The following AMOTL1 variants were observed in gnomAD, a reference collection of about 807,000 sequenced individuals.
AMOTL1 encodes the protein angiomotin-like protein 1.
Under a neutral mutation model 102.9 loss-of-function variants are expected in AMOTL1, and 45 were observed. The observed-to-expected ratio is 0.44, with a 90% CI of 0.34 to 0.56. The LOEUF (loss-of-function observed/expected upper bound fraction) is 0.56. Ranked by LOEUF, AMOTL1 falls within the 20% of genes least tolerant of loss-of-function variation. AMOTL1 has a pLI of 0.01. For missense variants in AMOTL1, 1,114 were observed against 1,225.6 expected, an observed-to-expected ratio of 0.91 and a Z score of 1.36; for synonymous variants, 481 against 484.7, an observed-to-expected ratio of 0.99 and a Z score of 0.10.
intron 3 of AMOTL1, among the ~76,000 whole-genome samples, chr11:94,759,571 C>A (rs368980112): frequency 0.012 from 1,542 of 129,136 alleles, no homozygotes; most frequent in Middle Eastern, 0.016. Flanking sequence ...CTTTTAGGTG[C>A]AAAAAAAAAA....
At chr11:94,868,501 G>A (rs183681129) in intron 11 of AMOTL1, among the ~76,000 whole-genome samples, 2 of 150,996 alleles carry the variant, frequency 1.3e-5, no homozygotes, top group South Asian at 4.1e-4. Flanking sequence ...CTTGAGGAAG[G>A]GGGTAAGGAG....
rs200136997 is a variant in AMOTL1 at position 94,736,202 on chromosome 11, CAA to C, written c.86-4735_86-4734del. On this transcript the variant is annotated intron_variant, in intron 2 of 4. Transcript: ENST00000299004. ...CTGCCACCTGGGATGAAAAGGAGAG[CAA>C]TCTGGCATGCTCTAGCCCTCTATGT... is the stretch of plus-strand genomic sequence containing the variant. Among the ~76,000 whole-genome samples, 848 of 152,294 alleles carry C rather than the reference CAA, an allele frequency of 5.6e-3. 10 individuals are homozygous for C. Among genetic ancestry groups the C allele is most frequent in the African/African-American group, 0.019 (804 of 41,560 alleles).
intron 3 of AMOTL1, among the ~76,000 whole-genome samples, chr11:94,760,957 A>G (rs1950784836): frequency 6.6e-6 from 1 of 151,736 alleles, no homozygotes; most frequent in African/African-American, 2.4e-5. Flanking sequence ...TATTTTTTGT[A>G]GGGACAGGGT....
chr11:94,842,850 C>G (rs894591740), intron 6 of AMOTL1, among the ~76,000 whole-genome samples: 2 of 152,174 alleles, frequency 1.3e-5, no homozygotes, highest in Admixed American at 1.3e-4. Context: ...TTCCCTGTCC[C>G]TCTCCCAGGG....
intron 1 of AMOTL1, among the ~76,000 whole-genome samples, chr11:94,784,275 T>G (rs540378487): frequency 6.6e-6 from 1 of 152,340 alleles, no homozygotes; most frequent in African/African-American, 2.4e-5. Flanking sequence ...CCCCCCATTC[T>G]TAGCAGAGGA....
chr11:94,708,796 T>A (rs559617317), intron 1 of AMOTL1, among the ~76,000 whole-genome samples: 1 of 152,222 alleles, frequency 6.6e-6, no homozygotes, highest in Non-Finnish European at 1.5e-5. Context: ...AAACAGCACA[T>A]CTATAAACGT....
chr11:94,763,550 CA>C (rs1478864404), upstream of AMOTL1, among the ~76,000 whole-genome samples: 1 of 152,154 alleles, frequency 6.6e-6, no homozygotes, highest in African/African-American at 2.4e-5. Context: ...TCTGACTCCC[CA>C]AAAACTTAAC....
intron 2 of AMOTL1, among the ~76,000 whole-genome samples, chr11:94,730,981 T>C (rs1379516900): frequency 6.6e-6 from 1 of 152,146 alleles, no homozygotes; most frequent in Non-Finnish European, 1.5e-5. Context: ...GCCTTAGGGA[T>C]CACTGTAACA....
exon 2 of AMOTL1, chr11:94,729,020 A>G: frequency 7.8e-7 from 1 of 1,289,120 alleles, no homozygotes; most frequent in Non-Finnish European, 1.0e-6. Flanking sequence ...TGGTTATCCC[A>G]TGCTGGAATT....
intron 9 of AMOTL1, among the ~76,000 whole-genome samples, chr11:94,860,780 A>G (rs1272938125): frequency 6.6e-6 from 1 of 152,238 alleles, no homozygotes; most frequent in Non-Finnish European, 1.5e-5. Context: ...CTATGGTACT[A>G]TTTGGATGAC....
chr11:94,855,205 C>T (rs12277220), intron 8 of AMOTL1, among the ~76,000 whole-genome samples: 1,607 of 152,336 alleles, frequency 0.011, 29 homozygotes, highest in African/African-American at 0.036. Context: ...AGCGCATGCA[C>T]TCAGGCCAGC....
chr11:94,784,552 T>C (rs1951155021), intron 1 of AMOTL1, among the ~76,000 whole-genome samples: 1 of 152,218 alleles, frequency 6.6e-6, no homozygotes, highest in African/African-American at 2.4e-5. Flanking sequence ...GGAAGTATTC[T>C]TCACATTACT....
chr11:94,749,094 G>C (rs1206475362), intron 3 of AMOTL1, among the ~76,000 whole-genome samples: 4 of 152,198 alleles, frequency 2.6e-5, no homozygotes, highest in Non-Finnish European at 5.9e-5. Flanking sequence ...AGGGTGAGAA[G>C]TCCCGTGACA....
intron 3 of AMOTL1, among the ~76,000 whole-genome samples, chr11:94,756,706 G>A (rs944626289): frequency 5.9e-5 from 9 of 152,172 alleles, no homozygotes; most frequent in South Asian, 2.1e-4. Flanking sequence ...TTATTATTAT[G>A]TCTTAATCTT....
intron 1 of AMOTL1, among the ~76,000 whole-genome samples, chr11:94,711,662 A>C (rs1447344259): frequency 6.6e-6 from 1 of 152,156 alleles, no homozygotes; most frequent in Non-Finnish European, 1.5e-5. Flanking sequence ...ATTTTATTTC[A>C]AGAATGTTAT....
At chr11:94,811,845 T>TG (rs1308732894) in intron 3 of AMOTL1, among the ~76,000 whole-genome samples, 1 of 151,974 alleles carries the variant, frequency 6.6e-6, no homozygotes, top group African/African-American at 2.4e-5. Context: ...TACCTAGGAG[T>TG]GGGGCTCAGG....
intron 6 of AMOTL1, among the ~76,000 whole-genome samples, chr11:94,839,845 T>C (rs1322710700): frequency 1.3e-5 from 2 of 152,246 alleles, no homozygotes; most frequent in Non-Finnish European, 2.9e-5. Context: ...AGAAAATTTT[T>C]ATACTAGAAG....
At chr11:94,830,734 C>T (rs1269585618) in intron 5 of AMOTL1, among the ~76,000 whole-genome samples, 1 of 152,230 alleles carries the variant, frequency 6.6e-6, no homozygotes, top group Non-Finnish European at 1.5e-5. Context: ...TGGATTTTGG[C>T]AGTCTCCAAT....
intron 9 of AMOTL1, 132 bp downstream of exon 9, chr11:94,859,847 T>TA: frequency 9.8e-7 from 1 of 1,019,666 alleles, no homozygotes; most frequent in East Asian, 2.7e-5. Flanking sequence ...TTTAAGTAGT[T>TA]ACAGTGCTAG....
Sources: gnomAD v4.1 joint callset for allele counts (sites outside exome capture counted in the v4.1 genomes callset) on GRCh38, gnomAD v4.1.1 for gene constraint, MANE v1.5 for transcripts, NCBI Gene and HGNC (gene_info 2026-07-23, HGNC 2026-07-21) for gene names.